MAPKAP1: variants seen among roughly 807,000 people sequenced by gnomAD.
MAPKAP1 encodes the protein target of rapamycin complex 2 subunit MAPKAP1.
In MAPKAP1, 20 loss-of-function variants were observed where a neutral mutation model predicts 65.7. That is an observed-to-expected ratio of 0.30 (90% confidence interval 0.21 to 0.44). The LOEUF (loss-of-function observed/expected upper bound fraction) is 0.44, where lower values mean the gene tolerates loss of function less well. Ranked by LOEUF, MAPKAP1 falls within the 20% of genes least tolerant of loss-of-function variation. MAPKAP1 has a pLI of 1.00. For synonymous variants in MAPKAP1, 222 were observed against 244.3 expected (o/e 0.91, Z 0.85); for missense variants, 423 against 648.0 (o/e 0.65, Z 3.77).
intron 8 of MAPKAP1, among the ~76,000 whole-genome samples, chr9:125,502,802 G>A (rs915247828): frequency 2.9e-4 from 44 of 152,200 alleles, no homozygotes; most frequent in African/African-American, 8.0e-4. Flanking sequence ...ATGAGGTTAA[G>A]TTTAACTGTT....
chr9:125,598,670 C>T (rs1201825686), intron 4 of MAPKAP1, among the ~76,000 whole-genome samples: 1 of 152,150 alleles, frequency 6.6e-6, no homozygotes, highest in African/African-American at 2.4e-5. Flanking sequence ...TATTTAAGCT[C>T]TGTGAGTCAC....
chr9:125,487,766 T>G (rs1476225904), intron 8 of MAPKAP1, among the ~76,000 whole-genome samples: 2 of 152,184 alleles, frequency 1.3e-5, no homozygotes, highest in African/African-American at 2.4e-5. Context: ...CTATAAATGA[T>G]AATTCAGATG....
intron 7 of MAPKAP1, among the ~76,000 whole-genome samples, chr9:125,508,830 C>T (rs1435306855): frequency 6.6e-6 from 1 of 151,818 alleles, no homozygotes; most frequent in Non-Finnish European, 1.5e-5. Flanking sequence ...GAACCTATCT[C>T]CAAAAAAATT....
intron 7 of MAPKAP1, among the ~76,000 whole-genome samples, chr9:125,509,218 C>T (rs528623765): frequency 9.6e-4 from 146 of 151,922 alleles, no homozygotes; most frequent in Non-Finnish European, 1.9e-3. Context: ...ATGAATGTAA[C>T]AAAATATCAC....
intron 8 of MAPKAP1, among the ~76,000 whole-genome samples, chr9:125,492,244 C>A (rs1017376668): frequency 3.3e-5 from 5 of 152,126 alleles, no homozygotes; most frequent in Non-Finnish European, 7.3e-5. Context: ...CTCTTTGGGT[C>A]TTCAATAACT....
chr9:125,603,768 C>T (rs1479401374), intron 4 of MAPKAP1, among the ~76,000 whole-genome samples: 1 of 152,154 alleles, frequency 6.6e-6, no homozygotes, highest in Non-Finnish European at 1.5e-5. Context: ...TAGGTCAGTT[C>T]CCCTGCTGCG....
intron 4 of MAPKAP1, among the ~76,000 whole-genome samples, chr9:125,651,155 A>C (rs539944446): frequency 6.6e-6 from 1 of 152,138 alleles, no homozygotes; most frequent in South Asian, 2.1e-4. Flanking sequence ...ATATACCAGA[A>C]TATGTAAATG....
At chr9:125,493,127 A>G (rs756278540) in intron 8 of MAPKAP1, among the ~76,000 whole-genome samples, 30 of 152,368 alleles carry the variant, frequency 2.0e-4, no homozygotes, top group South Asian at 4.1e-4. Context: ...GTGGAGCAGT[A>G]TCTAGCTCAG....
intron 5 of MAPKAP1, among the ~76,000 whole-genome samples, chr9:125,583,264 G>T (rs770068116): frequency 1.3e-4 from 20 of 152,234 alleles, no homozygotes; most frequent in Admixed American, 9.8e-4. Context: ...TTTTCCTACT[G>T]CTCCCTCAGG....
chr9:125,506,208 A>G (rs746121445), intron 8 of MAPKAP1, 102 bp downstream of exon 8: 7 of 975,902 alleles, frequency 7.2e-6, no homozygotes, highest in Admixed American at 3.6e-5. Flanking sequence ...AGTCACTTCA[A>G]ATCTGCCTAG....
At chr9:125,549,060 G>T (rs1177511144) in intron 6 of MAPKAP1, among the ~76,000 whole-genome samples, 4 of 152,202 alleles carry the variant, frequency 2.6e-5, no homozygotes, top group Non-Finnish European at 2.9e-5. Flanking sequence ...CTTCCAGGGA[G>T]CACATCTTCC....
intron 5 of MAPKAP1, among the ~76,000 whole-genome samples, chr9:125,580,271 G>C (rs527652699): frequency 6.6e-6 from 1 of 152,278 alleles, no homozygotes. Context: ...CAATAGCAAA[G>C]ACTTGGAATC....
At chr9:125,624,469 GTC>G (rs1833028497) in intron 4 of MAPKAP1, among the ~76,000 whole-genome samples, 1 of 108,784 alleles carries the variant, frequency 9.2e-6, no homozygotes, top group Non-Finnish European at 2.0e-5. Flanking sequence ...CAGCCGCCCC[GTC>G]CGGGAGGTAA....
At chr9:125,664,015 A>C (rs1368569300) in intron 3 of MAPKAP1, among the ~76,000 whole-genome samples, 1 of 152,192 alleles carries the variant, frequency 6.6e-6, no homozygotes, top group Non-Finnish European at 1.5e-5. Flanking sequence ...AACTATAAGA[A>C]TTTAGGGAGC....
intron 8 of MAPKAP1, among the ~76,000 whole-genome samples, chr9:125,494,571 G>T (rs1233273925): frequency 6.6e-6 from 1 of 152,092 alleles, no homozygotes; most frequent in Non-Finnish European, 1.5e-5. Flanking sequence ...GTAGAATTTC[G>T]AAAAAGAGCA....
chr9:125,686,338 A>G (rs1834974980), intron 1 of MAPKAP1, among the ~76,000 whole-genome samples: 1 of 151,764 alleles, frequency 6.6e-6, no homozygotes, highest in South Asian at 2.1e-4. Context: ...AAAGAAAAAG[A>G]AAAAGAAAAA....
intron 7 of MAPKAP1, among the ~76,000 whole-genome samples, chr9:125,506,641 G>A (rs1434658002): frequency 2.0e-5 from 3 of 152,096 alleles, no homozygotes; most frequent in Non-Finnish European, 2.9e-5. Context: ...AGTTCTCCCC[G>A]AAACCAAGTA....
intron 4 of MAPKAP1, among the ~76,000 whole-genome samples, chr9:125,618,859 T>C (rs665110): frequency 0.99 from 150,149 of 152,334 alleles, 74,030 homozygotes; most frequent in East Asian, 1. Context: ...AGGCTGGGCA[T>C]GGTGGCTCAT....
At chr9:125,628,092 G>A (rs1240397200) in intron 4 of MAPKAP1, among the ~76,000 whole-genome samples, 1 of 152,174 alleles carries the variant, frequency 6.6e-6, no homozygotes, top group African/African-American at 2.4e-5. Flanking sequence ...CATTCTATGA[G>A]AGCAAAGGAC....
Sources: allele counts gnomAD v4.1 joint callset (sites outside exome capture counted in the v4.1 genomes callset), GRCh38; gene constraint gnomAD v4.1.1; transcripts MANE v1.5; gene names NCBI Gene and HGNC (gene_info 2026-07-23, HGNC 2026-07-21).